The following BCKDHB variants were observed in gnomAD, a reference collection of about 807,000 sequenced individuals.
BCKDHB encodes the protein branched chain keto acid dehydrogenase E1 subunit beta, also known as 2-oxoisovalerate dehydrogenase subunit beta, mitochondrial.
Under a neutral mutation model 48.5 loss-of-function variants are expected in BCKDHB, and 41 were observed. The ratio of observed to expected loss-of-function variants is 0.85; its 90% CI spans 0.66 to 1.10. The LOEUF (loss-of-function observed/expected upper bound fraction) is 1.10. BCKDHB is among the 50% of genes least tolerant of loss of function. The pLI, the probability that BCKDHB is intolerant of heterozygous loss-of-function variation, is 0.00. For missense variants in BCKDHB, 496 were observed against 494.2 expected (o/e 1.00, Z -0.03); for synonymous variants, 201 against 174.8 (o/e 1.15, Z -1.18).
Position 80,127,631 on chromosome 6 carries a change from C to T in BCKDHB, c.274+7C>T, listed in dbSNP as rs771730316. 1.9e-6 allele frequency: 3 copies of T among 1,606,786 alleles called. No homozygotes were observed. Among genetic ancestry groups the T allele is most frequent in the Non-Finnish European group, 2.6e-6 (3 of 1,173,604 alleles). ...GCCAAAGATCCTACTGCAGGTAACC[C>T]TGATATGTGCCTGAATTGTGGTAGC... On this transcript the variant is annotated splice_region_variant and intron_variant, in intron 2 of 9. Transcript: ENST00000320393.
chr6:80,324,135 A>G (rs1384312059), intron 9 of BCKDHB, among the ~76,000 whole-genome samples: 3 of 152,202 alleles, frequency 2.0e-5, no homozygotes, highest in Non-Finnish European at 4.4e-5. Flanking sequence ...GAGGCAGCTC[A>G]GAAAAAAATC....
intron 8 of BCKDHB, among the ~76,000 whole-genome samples, chr6:80,257,950 T>G (rs1318110309): frequency 6.6e-6 from 1 of 152,096 alleles, no homozygotes; most frequent in Non-Finnish European, 1.5e-5. Context: ...CTTAACTATT[T>G]GACACCTCAA....
Position 80,141,361 on chromosome 6 carries a change from T to C in BCKDHB, c.343+12132T>C, listed in dbSNP as rs575946603. ...AATAAGAGGCTAGCGATCAGAAACC[T>C]ATATTAAAAAGTTTGAAAAAAATCT... On this transcript the variant is annotated intron_variant, in intron 3 of 9. Transcript: ENST00000320393. 6.6e-5 allele frequency among the ~76,000 whole-genome samples: 10 copies of C among 152,200 alleles called. No individual in the cohort carries two copies. The South Asian group carries it at 2.1e-3, about 32-fold the overall frequency.
rs573648458 is a variant in BCKDHB, at chr6:80,208,763, A to T, written c.951+5551A>T. On this transcript the variant is annotated intron_variant, in intron 8 of 9. Coordinates refer to ENST00000320393, the MANE Select transcript of BCKDHB (RefSeq NM_183050.4). ...AAATCTGAATAGTCATGATCTATTA[A>T]AAAATTAAATTTAATGTTATTAACT... Among the ~76,000 whole-genome samples, 471 of 152,020 alleles carry T rather than the reference A, an allele frequency of 3.1e-3. 1 individual carries two copies. Among genetic ancestry groups the T allele is most frequent in the African/African-American group, 0.011 (455 of 41,554 alleles).
intron 8 of BCKDHB, among the ~76,000 whole-genome samples, chr6:80,253,457 G>A (rs560593791): frequency 0.013 from 1,914 of 152,246 alleles, 35 homozygotes; most frequent in African/African-American, 0.044. Flanking sequence ...GCTTTCTGGA[G>A]AGAGTTTTAT....
At chr6:80,219,455 C>T (rs1775315815) in intron 8 of BCKDHB, among the ~76,000 whole-genome samples, 1 of 152,176 alleles carries the variant, frequency 6.6e-6, no homozygotes, top group African/African-American at 2.4e-5. Context: ...GATCCACACA[C>T]CTCGGCCTCC....
chr6:80,137,770 G>GT (rs1582211676), intron 3 of BCKDHB, among the ~76,000 whole-genome samples: 1 of 151,892 alleles, frequency 6.6e-6, no homozygotes, highest in East Asian at 1.9e-4. Context: ...CCAAATAACT[G>GT]TCCGTACCAA....
At chr6:80,402,772 AC>A in the BCKDHB span, among the ~76,000 whole-genome samples, 1 of 151,738 alleles carries the variant, frequency 6.6e-6, no homozygotes, top group African/African-American at 2.4e-5. Context: ...TTTTGAGTTG[AC>A]TTTTGTGTAT....
At chr6:80,460,654 T>C in the BCKDHB span, among the ~76,000 whole-genome samples, 1 of 152,268 alleles carries the variant, frequency 6.6e-6, no homozygotes, top group Non-Finnish European at 1.5e-5. Flanking sequence ...ATTTCAGTTA[T>C]GAATAATAAG....
At chr6:80,261,597 G>T (rs992229847) in intron 8 of BCKDHB, among the ~76,000 whole-genome samples, 1 of 151,948 alleles carries the variant, frequency 6.6e-6, no homozygotes, top group Non-Finnish European at 1.5e-5. Flanking sequence ...GAGAATACAC[G>T]AATCCACCAC....
rs192214833 is a variant in BCKDHB at position 80,174,799 on chromosome 6, A to G, written c.742+3409A>G. On this transcript the variant is annotated intron_variant, in intron 6 of 9. Coordinates refer to ENST00000320393, the MANE Select transcript of BCKDHB (RefSeq NM_183050.4). Reference sequence around the variant, plus strand: ...GCTCACTTTAGGTAGAGACTTTGCTAGGAGCCCTTGATTAAAGCCTGTGGG... The same window carrying G: ...GCTCACTTTAGGTAGAGACTTTGCTGGGAGCCCTTGATTAAAGCCTGTGGG... Among the ~76,000 whole-genome samples, 1,203 of 152,286 alleles carry G rather than the reference A, an allele frequency of 7.9e-3. 7 individuals carry two copies. The highest frequency in any genetic ancestry group is 0.011 in the Non-Finnish European group (761 of 68,026).
chr6:80,148,456 A>C (rs1771594961), intron 3 of BCKDHB, among the ~76,000 whole-genome samples: 1 of 152,050 alleles, frequency 6.6e-6, no homozygotes, highest in African/African-American at 2.4e-5. Flanking sequence ...AAGACGTCAG[A>C]GCTGTCAAGC....
chr6:80,279,222 C>T (rs892038777), intron 9 of BCKDHB, among the ~76,000 whole-genome samples: 3 of 152,042 alleles, frequency 2.0e-5, no homozygotes, highest in East Asian at 3.9e-4. Context: ...GGTGCGATCT[C>T]GGCTCACTGC....
intron 9 of BCKDHB, among the ~76,000 whole-genome samples, chr6:80,289,619 C>T (rs1047323924): frequency 3.3e-5 from 5 of 152,060 alleles, no homozygotes; most frequent in Non-Finnish European, 5.9e-5. Context: ...TTCCCAGCCC[C>T]GAATGGCTCT....
chr6:80,251,426 A>C, intron 8 of BCKDHB, among the ~76,000 whole-genome samples: 1 of 152,218 alleles, frequency 6.6e-6, no homozygotes, highest in Non-Finnish European at 1.5e-5. Context: ...TAGTGAACAC[A>C]GTCTGTCACA....
chr6:80,192,258 A>G (rs1773933692), intron 6 of BCKDHB, among the ~76,000 whole-genome samples: 1 of 152,030 alleles, frequency 6.6e-6, no homozygotes, highest in Admixed American at 6.5e-5. Flanking sequence ...ATCTCTGTAT[A>G]ATTCTTTTTG....
chr6:80,275,482 G>A (rs1013593378), intron 9 of BCKDHB, among the ~76,000 whole-genome samples: 6 of 152,020 alleles, frequency 3.9e-5, no homozygotes, highest in African/African-American at 1.4e-4. Flanking sequence ...GATAATTTGA[G>A]TTTGGATTTA....
intron 1 of BCKDHB, among the ~76,000 whole-genome samples, chr6:80,124,271 T>C (rs1484605517): frequency 6.6e-6 from 1 of 152,188 alleles, no homozygotes; most frequent in Non-Finnish European, 1.5e-5. Flanking sequence ...TTTGTTGTTA[T>C]TTCTGTTCTT....
At chr6:80,445,150 C>G in the BCKDHB span, among the ~76,000 whole-genome samples, 1 of 152,160 alleles carries the variant, frequency 6.6e-6, no homozygotes, top group Non-Finnish European at 1.5e-5. Flanking sequence ...TCCTGTTTGG[C>G]TCTATCTTTC....
Sources: gnomAD v4.1 joint callset for allele counts (sites outside exome capture counted in the v4.1 genomes callset) on GRCh38, gnomAD v4.1.1 for gene constraint, MANE v1.5 for transcripts, NCBI Gene and HGNC (gene_info 2026-07-23, HGNC 2026-07-21) for gene names.